ZBTB34: variants seen among roughly 807,000 people sequenced by gnomAD.
ZBTB34 encodes zinc finger and BTB domain-containing protein 34.
Under a neutral mutation model 33.4 loss-of-function variants are expected in ZBTB34, and 1 was observed. The observed-to-expected ratio is 0.03, with a 90% CI of 0.01 to 0.14. ZBTB34 has a LOEUF of 0.14. Ranked by LOEUF, ZBTB34 falls within the 10% of genes least tolerant of loss-of-function variation. ZBTB34 has a pLI of 1.00. For synonymous variants in ZBTB34, 283 were observed against 253.5 expected (o/e 1.12, Z -1.11); for missense variants, 406 against 657.2 (o/e 0.62, Z 4.18).
Position 126,879,471 on chromosome 9 carries a change from C to T in ZBTB34, c.72C>T (p.Ser24=). 1 of 1,613,860 alleles carries T rather than the reference C, an allele frequency of 6.2e-7. No homozygotes were observed. Among genetic ancestry groups the T allele is most frequent in the Non-Finnish European group, 8.5e-7 (1 of 1,179,870 alleles). Reference sequence around the variant, plus strand: ...CCGAGTACAGCAGCACCGTTCTGAGCCAGCTAAACGAACTCCGCCTGCAGG... The same window carrying T: ...CCGAGTACAGCAGCACCGTTCTGAGTCAGCTAAACGAACTCCGCCTGCAGG... The change falls in exon 2 of 2, where the codon AGC becomes AGT. Residue 24 remains serine (S), a synonymous_variant. Transcript: ENST00000319119. This position sits in a 1 kb window ranked among gnomAD's most constrained non-coding sequence, Gnocchi z 6.4.
Position 126,863,041 on chromosome 9 carries a change from G to A in ZBTB34, c.-11+2302G>A, listed in dbSNP as rs547069148. Among the ~76,000 whole-genome samples, 15 of 152,170 alleles carry A rather than the reference G, an allele frequency of 9.9e-5. No individual in the cohort carries two copies. In the East Asian group the frequency reaches 2.5e-3, roughly 25 times the overall value. On this transcript the variant is annotated intron_variant, in intron 1 of 1. Transcript: ENST00000319119. Reference sequence around the variant, plus strand: ...TCTTAGGGTGCAGAAAGCACAAAACGAATCTTTGAAACTTTGAAACGTTTC... The same window carrying A: ...TCTTAGGGTGCAGAAAGCACAAAACAAATCTTTGAAACTTTGAAACGTTTC...
intron 1 of ZBTB34, among the ~76,000 whole-genome samples, chr9:126,861,579 C>T (rs1036667440): frequency 1.3e-5 from 2 of 152,214 alleles, no homozygotes; most frequent in African/African-American, 4.8e-5. Context: ...TCGCTGAAGA[C>T]TTTGTCAGTG....
At chr9:126,866,982 A>G (rs1008802564) in intron 1 of ZBTB34, among the ~76,000 whole-genome samples, 1 of 151,648 alleles carries the variant, frequency 6.6e-6, no homozygotes, top group East Asian at 1.9e-4. Flanking sequence ...ATATGCATAC[A>G]TATTAGTCTA....
At chr9:126,884,526 G>T (rs897053803) in exon 2 of ZBTB34, 2 of 166,764 alleles carry the variant, frequency 1.2e-5, no homozygotes, top group African/African-American at 2.4e-5. Context: ...TCGGTTCACT[G>T]TTGAGCAGAA....
intron 1 of ZBTB34, among the ~76,000 whole-genome samples, chr9:126,874,210 T>A (rs1038685830): frequency 1.3e-4 from 19 of 142,440 alleles, no homozygotes; most frequent in Non-Finnish European, 2.3e-4. Flanking sequence ...CCCGGCTAAT[T>A]TTTTTTTTTT....
At chr9:126,863,073 A>G (rs2033161823) in intron 1 of ZBTB34, among the ~76,000 whole-genome samples, 2 of 152,188 alleles carry the variant, frequency 1.3e-5, no homozygotes, top group African/African-American at 4.8e-5. Context: ...TTTCCCTCTG[A>G]TCATGGGAAA....
In ZBTB34 at chr9:126,869,456, G is replaced by T. The variant is rs1588386367; in HGVS notation, c.-11+8717G>T. 2.0e-5 allele frequency among the ~76,000 whole-genome samples: 3 copies of T among 152,154 alleles called. No individual in the cohort carries two copies. In the South Asian group the frequency reaches 6.2e-4, roughly 32 times the overall value. On this transcript the variant is annotated intron_variant, in intron 1 of 1. Transcript: ENST00000319119. ...GCCTTACTTACGACATGCCTGGCAT[G>T]TATTACACATTCAATAAAAGCTGGT...
chr9:126,874,361 T>C (rs914708653), intron 1 of ZBTB34, among the ~76,000 whole-genome samples: 7 of 152,076 alleles, frequency 4.6e-5, no homozygotes, highest in Admixed American at 2.6e-4. Context: ...CTGCTATGTA[T>C]GTTCTAGGTA....
At chr9:126,867,907 A>C (rs865981672) in intron 1 of ZBTB34, among the ~76,000 whole-genome samples, 1 of 152,128 alleles carries the variant, frequency 6.6e-6, no homozygotes, top group Non-Finnish European at 1.5e-5. Flanking sequence ...TGAAAATTCA[A>C]AGGAGCTGTG....
intron 1 of ZBTB34, among the ~76,000 whole-genome samples, chr9:126,865,916 C>T (rs779621242): frequency 8.5e-5 from 13 of 152,058 alleles, no homozygotes; most frequent in Non-Finnish European, 1.8e-4. Flanking sequence ...ACCTGGGTGG[C>T]GGAGGTTACA....
At position 126,880,068 on chromosome 9, in the gene ZBTB34, T is replaced by C; in HGVS notation, c.669T>C (p.His223=). The stretch of plus-strand genomic sequence containing the variant: ...ATGAGATTCAGATAGAGGGAGACCA[T>C]GAGCAAGGAGACCTATTGGTGAGGG... Residue 223 remains histidine, a synonymous_variant, in exon 2 of 2, where the codon CAT becomes CAC. Coordinates refer to ENST00000319119, the Ensembl canonical transcript of ZBTB34. This position sits in a 1 kb window ranked among gnomAD's most constrained non-coding sequence, Gnocchi z 6.7. 1 of 1,613,580 alleles carries C rather than the reference T, an allele frequency of 6.2e-7. No individual in the cohort carries two copies.
chr9:126,863,657 T>C (rs2033168075), intron 1 of ZBTB34: 2 of 984,674 alleles, frequency 2.0e-6, no homozygotes, highest in Non-Finnish European at 2.4e-6. Flanking sequence ...TTCTAATGGT[T>C]ATTTTCTGGT....
At chr9:126,875,798 G>T (rs1210369907) in intron 1 of ZBTB34, among the ~76,000 whole-genome samples, 1 of 151,940 alleles carries the variant, frequency 6.6e-6, no homozygotes, top group East Asian at 1.9e-4. Context: ...TGTTACTTTG[G>T]CTAGAAGTTC....
chr9:126,879,301 A>G lies in ZBTB34; in HGVS notation c.-10-89A>G. ...AGATTTTAGGAGGTATGATAGCCAC[A>G]ATGGTATTGTTGTTGTAAGCTTGTG... On this transcript the variant is annotated intron_variant, in intron 1 of 1. Coordinates refer to ENST00000319119, the Ensembl canonical transcript of ZBTB34. The surrounding 1 kb of genome is among the most constrained non-coding windows in gnomAD (Gnocchi z 6.4). The G allele has an allele frequency of 9.4e-7, 1 of 1,065,720 alleles. No individual in the cohort carries two copies. Among genetic ancestry groups the G allele is most frequent in the East Asian group, 2.4e-5 (1 of 41,374 alleles). The allele number at this position is 1,065,720 out of a possible 1,614,324, so 66.0% of individuals were successfully genotyped here.
At chr9:126,864,355 G>A (rs865849048) in intron 1 of ZBTB34, among the ~76,000 whole-genome samples, 8 of 152,104 alleles carry the variant, frequency 5.3e-5, no homozygotes, top group Admixed American at 1.3e-4. Flanking sequence ...CCTACTGACC[G>A]TTAGTCCTTG....
At chr9:126,870,617 T>C (rs1186391130) in intron 1 of ZBTB34, among the ~76,000 whole-genome samples, 1 of 152,128 alleles carries the variant, frequency 6.6e-6, no homozygotes, top group Non-Finnish European at 1.5e-5. Flanking sequence ...AGAAAAGATA[T>C]CAACCTCATT....
chr9:126,873,753 C>T (rs561849659), intron 1 of ZBTB34, among the ~76,000 whole-genome samples: 2 of 152,002 alleles, frequency 1.3e-5, no homozygotes, highest in Admixed American at 6.6e-5. Flanking sequence ...TACAGGCTCC[C>T]GCCACCACGC....
exon 2 of ZBTB34, chr9:126,885,829 TAA>T (rs2119246677): frequency 6.0e-6 from 1 of 167,234 alleles, no homozygotes; most frequent in East Asian, 1.9e-4. Context: ...ATGGTATAAA[TAA>T]AGTCAATGGA....
At chr9:126,862,976 T>C (rs911063530) in intron 1 of ZBTB34, among the ~76,000 whole-genome samples, 3 of 152,116 alleles carry the variant, frequency 2.0e-5, no homozygotes, top group Non-Finnish European at 4.4e-5. Context: ...ATAAGTGATA[T>C]GTAATGCTAC....
Sources: allele counts gnomAD v4.1 joint callset (sites outside exome capture counted in the v4.1 genomes callset), GRCh38; gene constraint gnomAD v4.1.1; non-coding constraint Gnocchi (gnomAD v3.1); transcripts MANE v1.5; gene names NCBI Gene and HGNC (gene_info 2026-07-23, HGNC 2026-07-21).